Variants in GALNT12 observed in about 807,000 individuals in gnomAD.
The protein encoded by GALNT12 is UDP-GalNAc:polypeptide N-acetylgalactosaminyltransferase 12.
GALNT12 carries 45 observed loss-of-function variants against 55.5 expected under a neutral mutation model. That is an observed-to-expected ratio of 0.81 (90% CI 0.64 to 1.04). The LOEUF (loss-of-function observed/expected upper bound fraction) is 1.04. Ranked by LOEUF, GALNT12 falls within the 50% of genes least tolerant of loss-of-function variation. GALNT12 has a pLI of 0.00. For missense variants in GALNT12, 709 were observed against 754.8 expected (o/e 0.94, Z 0.71); for synonymous variants, 304 against 312.2 (o/e 0.97, Z 0.28).
intron 3 of GALNT12, among the ~76,000 whole-genome samples, chr9:98,830,444 C>T (rs1241464041): frequency 6.6e-6 from 1 of 152,208 alleles, no homozygotes; most frequent in Non-Finnish European, 1.5e-5. Flanking sequence ...CCAATAGCAT[C>T]CCTGTGGGTC....
At chr9:98,808,109 C>T in intron 1 of GALNT12, 40 bp downstream of exon 1, 3 of 1,498,094 alleles carry the variant, frequency 2.0e-6, no homozygotes, top group Admixed American at 1.9e-5. Flanking sequence ...GCCCTCAGAG[C>T]CCCGGGCCTC....
At chr9:98,821,138 T>C (rs1341916057) in intron 1 of GALNT12, among the ~76,000 whole-genome samples, 5 of 152,106 alleles carry the variant, frequency 3.3e-5, no homozygotes, top group African/African-American at 1.2e-4. Context: ...GCTCCCTGAG[T>C]AGCTGAGGTT....
chr9:98,848,471 C>T (rs1836469616), intron 9 of GALNT12, among the ~76,000 whole-genome samples: 1 of 152,184 alleles, frequency 6.6e-6, no homozygotes, highest in Non-Finnish European at 1.5e-5. Context: ...CCCACTGATT[C>T]TCTGATGTGT....
In GALNT12 at chr9:98,823,398, A is replaced by T. The variant is rs776411813; in HGVS notation, c.514A>T (p.Ile172Phe). ...TSPDILLEEVILVDDYSDREH... is the reference protein window; with the variant it reads ...TSPDILLEEVFLVDDYSDREH... Reference sequence around the variant, plus strand: ...CCCGGATATCCTGCTAGAAGAAGTGATCCTTGTAGATGACTACAGTGATAG... The same window carrying T: ...CCCGGATATCCTGCTAGAAGAAGTGTTCCTTGTAGATGACTACAGTGATAG... Residue 172 changes from isoleucine (I) to phenylalanine (F), a missense_variant, in exon 2 of 10, where the codon ATC (isoleucine) becomes TTC (phenylalanine). Ile to Phe is a conservative substitution (Grantham distance 21, BLOSUM62 0). Around this residue, in one of 5 missense-constraint regions of GALNT12, gnomAD observed 315 missense variants for 288.6 expected, o/e 1.09. Coordinates refer to ENST00000375011, the MANE Select transcript of GALNT12 (RefSeq NM_024642.5). 6.2e-7 allele frequency: 1 copy of T among 1,614,196 alleles called. No homozygotes were observed. Among genetic ancestry groups the T allele is most frequent in the Non-Finnish European group, 8.5e-7 (1 of 1,180,014 alleles).
intron 5 of GALNT12, among the ~76,000 whole-genome samples, chr9:98,836,681 G>A (rs549455023): frequency 6.6e-6 from 1 of 152,238 alleles, no homozygotes; most frequent in Admixed American, 6.5e-5. Flanking sequence ...TAAGTGGGTT[G>A]CCAGCGAGGT....
At chr9:98,837,196 C>G in intron 6 of GALNT12, 48 bp downstream of exon 6, 1 of 1,586,494 alleles carries the variant, frequency 6.3e-7, no homozygotes, top group Non-Finnish European at 8.7e-7. Context: ...ATCTGAACAA[C>G]AGCAGCTAAT....
chr9:98,845,318 G>T (rs1165411674), intron 8 of GALNT12, among the ~76,000 whole-genome samples: 1 of 152,174 alleles, frequency 6.6e-6, no homozygotes, highest in Non-Finnish European at 1.5e-5. Flanking sequence ...AAAGGGGCTG[G>T]TGGGGTGGGT....
chr9:98,835,128 G>A (rs752939875), intron 4 of GALNT12, 121 bp from the exon 5 acceptor site: 12 of 796,906 alleles, frequency 1.5e-5, no homozygotes, highest in Non-Finnish European at 2.7e-5. Context: ...CAGAGGTGAA[G>A]GCGGGATATG....
At chr9:98,809,161 AG>A (rs1243042508) in intron 1 of GALNT12, among the ~76,000 whole-genome samples, 2 of 152,198 alleles carry the variant, frequency 1.3e-5, no homozygotes, top group Non-Finnish European at 2.9e-5. Flanking sequence ...TCAGGATTTT[AG>A]GGGCCTGCTC....
At chr9:98,847,618 T>C (rs1836449922) in intron 9 of GALNT12, 1 of 152,178 alleles carries the variant, frequency 6.6e-6, no homozygotes. Context: ...TTTACCTTTC[T>C]TCAGGACGCT....
intron 3 of GALNT12, among the ~76,000 whole-genome samples, chr9:98,829,185 CTA>C: frequency 6.6e-6 from 1 of 151,080 alleles, no homozygotes; most frequent in Non-Finnish European, 1.5e-5. Context: ...ATCTATCTAT[CTA>C]TCTATCTATC....
At chr9:98,809,307 A>G (rs1835443561) in intron 1 of GALNT12, among the ~76,000 whole-genome samples, 1 of 152,044 alleles carries the variant, frequency 6.6e-6, no homozygotes, top group Non-Finnish European at 1.5e-5. Flanking sequence ...GGCATTTTTC[A>G]CTGTTAGTCT....
At chr9:98,844,285 A>T in intron 8 of GALNT12, 76 bp downstream of exon 8, 2 of 978,800 alleles carry the variant, frequency 2.0e-6, no homozygotes, top group Non-Finnish European at 3.2e-6. Context: ...TTTTTCTTGT[A>T]AAAGTAATAT....
rs1477259561 is a variant in GALNT12 at position 98,823,308 on chromosome 9, A to G, written c.424A>G (p.Ile142Val). The G allele has an allele frequency of 1.2e-6, 2 of 1,614,148 alleles. No individual in the cohort carries two copies. The highest frequency in any genetic ancestry group is 1.7e-6 in the Non-Finnish European group (2 of 1,179,950). The change falls in exon 2 of 10, where the codon ATA becomes GTA. Residue 142 changes from isoleucine to valine, a missense_variant. Ile to Val is a conservative substitution (Grantham distance 29). This residue lies in a region of GALNT12 where 315 missense variants were observed against 288.6 expected (regional missense o/e 1.09). Transcript: ENST00000375011. ...TAATTTGCCCAGGACATCTGTTATCATAGCATTTTATAATGAAGCCTGGTC... is the reference window on the plus strand; with the variant it reads ...TAATTTGCCCAGGACATCTGTTATCGTAGCATTTTATAATGAAGCCTGGTC... ...YDNLPRTSVI[I>V]AFYNEAWSTL...
At chr9:98,820,415 AG>A (rs1835710093) in intron 1 of GALNT12, among the ~76,000 whole-genome samples, 1 of 152,198 alleles carries the variant, frequency 6.6e-6, no homozygotes, top group African/African-American at 2.4e-5. Context: ...GTCCTTGCAA[AG>A]GACATAATCT....
chr9:98,846,452 A>G (rs1044761308), intron 9 of GALNT12, among the ~76,000 whole-genome samples: 1 of 152,220 alleles, frequency 6.6e-6, no homozygotes, highest in Admixed American at 6.5e-5. Context: ...TTCAGAGATG[A>G]AAGGGCTTTA....
At chr9:98,823,211 G>C (rs780126494) in intron 1 of GALNT12, 45 bp from the exon 2 acceptor site, 1 of 1,586,130 alleles carries the variant, frequency 6.3e-7, no homozygotes, top group South Asian at 1.1e-5. Flanking sequence ...CCCAGTGCCA[G>C]CCTGGGCTAG....
rs3216734 is a variant in GALNT12, at chr9:98,836,929, AT to A, written c.1036-42del. The A allele has an allele frequency of 0.21, 341,506 of 1,609,466 alleles. 39,318 individuals are homozygous for A. Among genetic ancestry groups the A allele is most frequent in the Admixed American group, 0.27 (16,162 of 59,982 alleles). On this transcript the variant is annotated intron_variant, in intron 5 of 9. Coordinates refer to ENST00000375011, the MANE Select transcript of GALNT12 (RefSeq NM_024642.5). ...TGCAGATACTATGGACCCGCAGCTC[AT>A]CCCCTGCTCACCACCTGGCCTCTCC...
chr9:98,837,271 G>C (rs961914980), intron 6 of GALNT12, 123 bp downstream of exon 6: 1 of 897,604 alleles, frequency 1.1e-6, no homozygotes, highest in Admixed American at 1.8e-5. Context: ...GCTCAGATAC[G>C]AGTAAGGGGA....
Sources: gnomAD v4.1 joint callset for allele counts (sites outside exome capture counted in the v4.1 genomes callset) on GRCh38, gnomAD v4.1.1 for gene constraint, gnomAD v4.1.1 regional missense constraint, MANE v1.5 for transcripts, NCBI Gene and HGNC (gene_info 2026-07-23, HGNC 2026-07-21) for gene names.